The following RNGTT variants were observed in gnomAD, a reference collection of about 807,000 sequenced individuals.
RNGTT encodes mRNA-capping enzyme.
A neutral mutation model predicts 79.3 loss-of-function variants in RNGTT; 33 were observed. The observed-to-expected ratio is 0.42, with a 90% confidence interval of 0.32 to 0.56. RNGTT has a LOEUF of 0.56. Ranked by LOEUF, RNGTT falls within the 20% of genes least tolerant of loss-of-function variation. The probability of loss-of-function intolerance (pLI) is 0.17; values close to 1 mark genes in which losing one functional copy is unlikely to be tolerated. For synonymous variants in RNGTT, 222 were observed against 235.9 expected, an observed-to-expected ratio of 0.94 and a Z score of 0.54; for missense variants, 497 against 739.1, an observed-to-expected ratio of 0.67 and a Z score of 3.80.
intron 4 of RNGTT, among the ~76,000 whole-genome samples, chr6:88,918,608 AAAAC>A (rs1340045261): frequency 6.6e-6 from 1 of 152,228 alleles, no homozygotes; most frequent in African/African-American, 2.4e-5. Flanking sequence ...AAGAAAATAA[AAAAC>A]AAAGAGATCA....
At chr6:88,741,970 A>T (rs1777506837) in intron 13 of RNGTT, among the ~76,000 whole-genome samples, 1 of 152,246 alleles carries the variant, frequency 6.6e-6, no homozygotes, top group South Asian at 2.1e-4. Flanking sequence ...GATCATAAAA[A>T]TAACCTAAAT....
intron 14 of RNGTT, among the ~76,000 whole-genome samples, chr6:88,672,210 T>C (rs1774671759): frequency 7.3e-6 from 1 of 136,854 alleles, no homozygotes; most frequent in Non-Finnish European, 1.7e-5. Context: ...TACATATATA[T>C]ATATATATAC....
At chr6:88,891,737 G>A (rs554796431) in intron 7 of RNGTT, 69 bp downstream of exon 7, 98 of 935,764 alleles carry the variant, frequency 1.0e-4, no homozygotes, top group Non-Finnish European at 1.5e-4. Flanking sequence ...AAGAAGATAT[G>A]TCAATGCTTG....
chr6:88,889,497 C>G (rs1413925581), intron 8 of RNGTT, among the ~76,000 whole-genome samples: 2 of 151,864 alleles, frequency 1.3e-5, no homozygotes, highest in African/African-American at 2.4e-5. Context: ...TAAGACTTTC[C>G]AAAACTCATA....
At chr6:88,778,461 T>C (rs1055839831) in intron 12 of RNGTT, among the ~76,000 whole-genome samples, 1 of 152,154 alleles carries the variant, frequency 6.6e-6, no homozygotes, top group African/African-American at 2.4e-5. Flanking sequence ...CCAAGTCAAA[T>C]TGCATTCTAA....
intron 4 of RNGTT, 31 bp downstream of exon 4, chr6:88,928,954 T>G (rs1196669796): frequency 1.3e-6 from 2 of 1,501,436 alleles, no homozygotes. Flanking sequence ...AAATAAAATA[T>G]TCAACAGTGG....
chr6:88,613,880 T>C (rs1772123871), intron 15 of RNGTT, among the ~76,000 whole-genome samples: 1 of 152,260 alleles, frequency 6.6e-6, no homozygotes, highest in Non-Finnish European at 1.5e-5. Context: ...TATAAAGCTA[T>C]TTTAAGAGCT....
intron 13 of RNGTT, among the ~76,000 whole-genome samples, chr6:88,733,020 G>A (rs567187454): frequency 1.3e-5 from 2 of 152,276 alleles, no homozygotes; most frequent in South Asian, 2.1e-4. Flanking sequence ...CAAATTCACT[G>A]CAAGAGAAAT....
chr6:88,911,003 A>G lies in RNGTT; in HGVS notation c.368-4563T>C, dbSNP rs1381461419. Among the ~76,000 whole-genome samples the G allele has an allele frequency of 2.6e-5, 4 of 152,350 alleles. No individual in the cohort carries two copies. The East Asian group carries it at 7.7e-4, about 29-fold the overall frequency. On this transcript the variant is annotated intron_variant, in intron 4 of 15. Coordinates refer to ENST00000369485, the MANE Select transcript of RNGTT (RefSeq NM_003800.5). Reference sequence around the variant, plus strand: ...TTATGGGAGTTCTAAACATGGAAACAAAAACAGTATCTGCTACCACAAAAA... The same window carrying G: ...TTATGGGAGTTCTAAACATGGAAACGAAAACAGTATCTGCTACCACAAAAA...
intron 6 of RNGTT, among the ~76,000 whole-genome samples, chr6:88,895,122 CTTAAAA>C (rs1652385253): frequency 1.3e-5 from 2 of 151,666 alleles, no homozygotes; most frequent in Admixed American, 6.6e-5. Context: ...GTCAGCTAGC[CTTAAAA>C]TTAAAATCTG....
chr6:88,675,871 T>C (rs75076645), intron 14 of RNGTT, among the ~76,000 whole-genome samples: 1 of 152,158 alleles, frequency 6.6e-6, no homozygotes, highest in East Asian at 1.9e-4. Context: ...GGAAAATGTC[T>C]AAGACCAATA....
At chr6:88,877,654 TA>T (rs1782559222) in intron 8 of RNGTT, among the ~76,000 whole-genome samples, 1 of 152,196 alleles carries the variant, frequency 6.6e-6, no homozygotes, top group Non-Finnish European at 1.5e-5. Context: ...CTGTTTCATA[TA>T]GGGGGACTTA....
At chr6:88,943,554 T>C (rs1458706828) in intron 1 of RNGTT, among the ~76,000 whole-genome samples, 1 of 151,208 alleles carries the variant, frequency 6.6e-6, no homozygotes, top group Admixed American at 6.6e-5. Flanking sequence ...CGGATTACAT[T>C]AGTGAAAAGG....
chr6:88,855,968 G>C (rs2127909713), intron 8 of RNGTT, among the ~76,000 whole-genome samples: 1 of 152,296 alleles, frequency 6.6e-6, no homozygotes, highest in African/African-American at 2.4e-5. Context: ...AAAATGGCAT[G>C]GAAGACACAC....
At chr6:88,678,558 CTG>C in intron 13 of RNGTT, 139 bp from the exon 14 acceptor site, 1 of 387,506 alleles carries the variant, frequency 2.6e-6, no homozygotes. Context: ...AAAGTAATAA[CTG>C]TGTAATTATT....
intron 13 of RNGTT, among the ~76,000 whole-genome samples, chr6:88,728,276 C>T (rs981451575): frequency 1.3e-5 from 2 of 152,228 alleles, no homozygotes; most frequent in African/African-American, 4.8e-5. Context: ...CCTGTGGGGA[C>T]TTGCCAAGGC....
At chr6:88,886,093 CAGG>C (rs927397773) in intron 8 of RNGTT, among the ~76,000 whole-genome samples, 1 of 152,158 alleles carries the variant, frequency 6.6e-6, no homozygotes, top group African/African-American at 2.4e-5. Context: ...ATCACGACGT[CAGG>C]AGATCGAGAC....
chr6:88,925,490 G>A (rs899721922), intron 4 of RNGTT, among the ~76,000 whole-genome samples: 1 of 151,864 alleles, frequency 6.6e-6, no homozygotes, highest in African/African-American at 2.4e-5. Context: ...CTACTCGGGA[G>A]GCTGAGGTGG....
intron 13 of RNGTT, among the ~76,000 whole-genome samples, chr6:88,722,913 T>G (rs1454982258): frequency 6.6e-6 from 1 of 152,188 alleles, no homozygotes; most frequent in Non-Finnish European, 1.5e-5. Context: ...ACAAACCTAC[T>G]GGGCTGCCAG....
Sources: allele counts gnomAD v4.1 joint callset (sites outside exome capture counted in the v4.1 genomes callset), GRCh38; gene constraint gnomAD v4.1.1; transcripts MANE v1.5; gene names NCBI Gene and HGNC (gene_info 2026-07-23, HGNC 2026-07-21).